CDH13: variants seen among roughly 807,000 people sequenced by gnomAD.
CDH13 encodes cadherin-13.
CDH13 carries 24 observed loss-of-function variants against 63.8 expected under a neutral mutation model. The observed-to-expected ratio is 0.38, with a 90% confidence interval of 0.27 to 0.53. The LOEUF (loss-of-function observed/expected upper bound fraction) is 0.53. Among genes scored for constraint, CDH13 ranks in the 20% least tolerant of loss-of-function variants. The pLI, the probability that CDH13 is intolerant of heterozygous loss-of-function variation, is 0.85. For synonymous variants in CDH13, 503 were observed against 355.3 expected (o/e 1.42, Z -4.67); for missense variants, 1,049 against 903.1 (o/e 1.16, Z -2.07).
At chr16:83,722,884 C>T (rs892812524) in intron 10 of CDH13, among the ~76,000 whole-genome samples, 20 of 152,304 alleles carry the variant, frequency 1.3e-4, no homozygotes, top group Admixed American at 5.2e-4. Context: ...TGGATTGAAT[C>T]GTTGACTTGA....
At chr16:83,014,856 GTATA>G (rs200967243) in intron 2 of CDH13, among the ~76,000 whole-genome samples, 2 of 107,732 alleles carry the variant, frequency 1.9e-5, no homozygotes, top group Non-Finnish European at 3.8e-5. Context: ...ATATATATTT[GTATA>G]TATATATGTA....
chr16:83,412,260 G>A (rs768402860), intron 6 of CDH13, among the ~76,000 whole-genome samples: 5 of 152,146 alleles, frequency 3.3e-5, no homozygotes, highest in African/African-American at 4.8e-5. Flanking sequence ...TCAGGAGTTC[G>A]AGACCAGCTT....
At chr16:83,780,239 C>A in intron 12 of CDH13, 38 bp downstream of exon 12, 1 of 1,346,404 alleles carries the variant, frequency 7.4e-7, no homozygotes, top group Non-Finnish European at 1.0e-6. Flanking sequence ...ATTCTTCCAG[C>A]TTTCAGTTTA....
At chr16:83,726,362 A>T (rs1910382261) in intron 10 of CDH13, 1 of 141,806 alleles carries the variant, frequency 7.1e-6, no homozygotes, top group Non-Finnish European at 1.5e-5. Context: ...AGGACCCTAG[A>T]TAGGGTCCAT....
At chr16:83,763,414 T>A (rs1914133676) in intron 11 of CDH13, among the ~76,000 whole-genome samples, 1 of 152,178 alleles carries the variant, frequency 6.6e-6, no homozygotes, top group African/African-American at 2.4e-5. Flanking sequence ...ATTGATTTTT[T>A]TTAAAAATTG....
At chr16:83,016,694 G>C (rs1471346309) in intron 2 of CDH13, among the ~76,000 whole-genome samples, 2 of 151,990 alleles carry the variant, frequency 1.3e-5, no homozygotes, top group Non-Finnish European at 2.9e-5. Flanking sequence ...ACACTACCCT[G>C]CCATCTAGAA....
At chr16:83,405,417 G>T (rs566526826) in intron 6 of CDH13, among the ~76,000 whole-genome samples, 1 of 152,194 alleles carries the variant, frequency 6.6e-6, no homozygotes, top group Non-Finnish European at 1.5e-5. Context: ...CCTTATAAGA[G>T]GCTCACCAGT....
At chr16:83,521,798 T>C (rs1337787339) in intron 7 of CDH13, among the ~76,000 whole-genome samples, 1 of 152,210 alleles carries the variant, frequency 6.6e-6, no homozygotes, top group Non-Finnish European at 1.5e-5. Flanking sequence ...TAGTGCTGGT[T>C]CTGCCACTGA....
At chr16:82,991,883 T>C (rs1911701148) in intron 2 of CDH13, among the ~76,000 whole-genome samples, 1 of 152,122 alleles carries the variant, frequency 6.6e-6, no homozygotes, top group African/African-American at 2.4e-5. Context: ...CACATCATTA[T>C]CTAGGATGAG....
At chr16:83,286,333 C>T (rs1362176445) in intron 5 of CDH13, among the ~76,000 whole-genome samples, 2 of 152,118 alleles carry the variant, frequency 1.3e-5, no homozygotes, top group Admixed American at 6.6e-5. Flanking sequence ...TTATGGTGAA[C>T]CCAAAGAGTT....
chr16:83,739,912 G>C (rs1364197143), intron 10 of CDH13: 1 of 152,180 alleles, frequency 6.6e-6, no homozygotes, highest in African/African-American at 2.4e-5. Flanking sequence ...GCCCCTTGGA[G>C]CTCACATTCT....
Position 83,783,310 on chromosome 16 carries a change from C to CCCA in CDH13, c.1973_1975dup (p.Pro658_Ile659insThr). On this transcript the variant is annotated inframe_insertion, in exon 13 of 14. Transcript: ENST00000567109. ...TCTGAACAAAGCAAACTACAACCTG[C>CCCA]CCATCATGGTGACAGATTCAGGGAA... 6.2e-7 allele frequency: 1 copy of CCCA among 1,613,910 alleles called. No homozygotes were observed. Among genetic ancestry groups the CCCA allele is most frequent in the Non-Finnish European group, 8.5e-7 (1 of 1,179,842 alleles).
At chr16:82,670,393 C>T (rs567142988) in intron 1 of CDH13, among the ~76,000 whole-genome samples, 2 of 152,292 alleles carry the variant, frequency 1.3e-5, no homozygotes, top group South Asian at 4.2e-4. Context: ...CTCCTTCACG[C>T]ACCTATGGGT....
intron 4 of CDH13, among the ~76,000 whole-genome samples, chr16:83,185,587 C>T (rs1240973995): frequency 6.6e-6 from 1 of 152,216 alleles, no homozygotes; most frequent in Non-Finnish European, 1.5e-5. Flanking sequence ...AGTATCACTT[C>T]ATCTAAGGAA....
At chr16:83,203,821 C>G (rs950583326) in intron 4 of CDH13, among the ~76,000 whole-genome samples, 1 of 152,016 alleles carries the variant, frequency 6.6e-6, no homozygotes, top group African/African-American at 2.4e-5. Flanking sequence ...GGCAAGTTAG[C>G]AAGAGAGTAA....
intron 6 of CDH13, among the ~76,000 whole-genome samples, chr16:83,422,755 GC>G (rs954104318): frequency 7.2e-5 from 11 of 152,086 alleles, no homozygotes; most frequent in African/African-American, 2.7e-4. Context: ...ACCCAAAGTT[GC>G]CCCAACTTTA....
intron 1 of CDH13, among the ~76,000 whole-genome samples, chr16:82,814,302 G>A (rs866373806): frequency 6.6e-5 from 10 of 152,180 alleles, no homozygotes; most frequent in Admixed American, 2.0e-4. Context: ...CTAATGAGTT[G>A]ACTTGTGCTG....
chr16:83,276,721 A>T (rs1430634223), intron 5 of CDH13, among the ~76,000 whole-genome samples: 2 of 152,032 alleles, frequency 1.3e-5, no homozygotes, highest in African/African-American at 4.8e-5. Flanking sequence ...ATACAAAAAA[A>T]TTACCTTGGC....
intron 1 of CDH13, among the ~76,000 whole-genome samples, chr16:82,738,020 A>G (rs76002456): frequency 0.014 from 2,177 of 152,268 alleles, 48 homozygotes; most frequent in African/African-American, 0.05. Context: ...GTTTAAGTGC[A>G]CAATGCAGTA....
Sources: gnomAD v4.1 joint callset for allele counts (sites outside exome capture counted in the v4.1 genomes callset) on GRCh38, gnomAD v4.1.1 for gene constraint, MANE v1.5 for transcripts, NCBI Gene and HGNC (gene_info 2026-07-23, HGNC 2026-07-21) for gene names.